SPATA13: variants seen among roughly 807,000 people sequenced by gnomAD.
SPATA13 encodes spermatogenesis-associated protein 13.
SPATA13 carries 50 observed loss-of-function variants against 104.0 expected under a neutral mutation model. That is an observed-to-expected ratio of 0.48 (90% CI 0.38 to 0.61). SPATA13 has a LOEUF of 0.61. Among genes scored for constraint, SPATA13 ranks in the 20% least tolerant of loss-of-function variants. The pLI is 0.00. For missense variants in SPATA13, 1,524 were observed against 1,690.6 expected (o/e 0.90, Z 1.73); for synonymous variants, 606 against 667.5 (o/e 0.91, Z 1.42).
chr13:24,073,181 G>A (rs566636442), intron 3 of SPATA13, among the ~76,000 whole-genome samples: 1 of 152,254 alleles, frequency 6.6e-6, no homozygotes, highest in African/African-American at 2.4e-5. Context: ...AAGGCCAAGT[G>A]GGGGACTGTA....
rs1566197889 is a variant in SPATA13, at chr13:24,291,750, TTTTTTA to T, written c.3080+872_3080+877del. ...TCTCTCTCTGTCTTTATTTTTTTAT[TTTTTTA>T]TTTTTTTTTTTGAGACGGAGTCTCG... On this transcript the variant is annotated intron_variant, in intron 9 of 12. Coordinates refer to ENST00000382108, the MANE Select transcript of SPATA13 (RefSeq NM_001166271.3). Among the ~76,000 whole-genome samples the T allele has an allele frequency of 4.3e-3, 138 of 31,908 alleles. 2 individuals are homozygous for T. Among genetic ancestry groups the T allele is most frequent in the African/African-American group, 0.015 (123 of 8,058 alleles). 20.9% of individuals were successfully genotyped at this position (31,908 alleles called of 152,430 possible).
At chr13:24,140,754 T>C (rs1229750191) in intron 3 of SPATA13, among the ~76,000 whole-genome samples, 1 of 152,252 alleles carries the variant, frequency 6.6e-6, no homozygotes, top group Non-Finnish European at 1.5e-5. Flanking sequence ...ACCCATGAAT[T>C]CTGGGTTTTC....
chr13:24,264,136 A>G (rs768766854), intron 4 of SPATA13, among the ~76,000 whole-genome samples: 4 of 152,202 alleles, frequency 2.6e-5, no homozygotes, highest in Non-Finnish European at 4.4e-5. Context: ...AACATAAAGT[A>G]TTAAACTTTT....
intron 1 of SPATA13, among the ~76,000 whole-genome samples, chr13:24,196,545 G>A (rs1221182467): frequency 6.6e-6 from 1 of 152,040 alleles, no homozygotes; most frequent in Admixed American, 6.6e-5. Flanking sequence ...GACCAGCCTG[G>A]GAAATATAGT....
At chr13:24,219,003 C>CAAAAAAAAAAAAAAAAA (rs35494448) in intron 1 of SPATA13, among the ~76,000 whole-genome samples, 1 of 110,524 alleles carries the variant, frequency 9.0e-6, no homozygotes, top group Non-Finnish European at 1.9e-5. Flanking sequence ...TCATTATCAC[C>CAAAAAAAAAAAAAAAAA]AAAAAAAAAA....
chr13:24,109,553 G>A (rs1484023466), intron 3 of SPATA13, among the ~76,000 whole-genome samples: 1 of 152,056 alleles, frequency 6.6e-6, no homozygotes, highest in Non-Finnish European at 1.5e-5. Flanking sequence ...CTGTCATTTG[G>A]AGGTCTTAAA....
intron 4 of SPATA13, among the ~76,000 whole-genome samples, chr13:24,254,180 G>A (rs1278974969): frequency 6.7e-6 from 1 of 148,542 alleles, no homozygotes; most frequent in Non-Finnish European, 1.5e-5. Flanking sequence ...GCCAGCCTTG[G>A]TTCTGATTCA....
chr13:24,284,138 C>T lies in SPATA13; in HGVS notation c.2168C>T (p.Ser723Phe), dbSNP rs1875739924. The change falls in exon 5 of 13, where the codon TCT becomes TTT. Residue 723 changes from serine to phenylalanine, a missense_variant. Around this residue, in one of 2 missense-constraint regions of SPATA13, gnomAD observed 1,089 missense variants for 1,135.9 expected, o/e 0.96. Coordinates refer to ENST00000382108, the MANE Select transcript of SPATA13 (RefSeq NM_001166271.3). Reference sequence around the variant, plus strand: ...GCCTTTGTTTTGTATGTTTTAGTTTCTTCAGATGGAGGTACTGAGCCCTCT... The same window carrying T: ...GCCTTTGTTTTGTATGTTTTAGTTTTTTCAGATGGAGGTACTGAGCCCTCT... Reference protein sequence around the residue: ...RRRQMRASNVSSDGGTEPSAL... With the variant: ...RRRQMRASNVFSDGGTEPSAL... 1 of 1,608,016 alleles carries T rather than the reference C, an allele frequency of 6.2e-7. No individual in the cohort carries two copies. The highest frequency in any genetic ancestry group is 8.5e-7 in the Non-Finnish European group (1 of 1,175,930).
chr13:24,206,228 G>GA (rs1870689885), intron 1 of SPATA13, among the ~76,000 whole-genome samples: 5 of 151,566 alleles, frequency 3.3e-5, no homozygotes, highest in Admixed American at 2.6e-4. Context: ...AAATTTACAA[G>GA]AAAAAAACAA....
intron 2 of SPATA13, among the ~76,000 whole-genome samples, chr13:24,237,715 A>G (rs562315080): frequency 6.6e-6 from 1 of 152,126 alleles, no homozygotes; most frequent in African/African-American, 2.4e-5. Context: ...TGTAATCTCA[A>G]GCTACTCAGG....
At position 23,984,556 on chromosome 13, in the gene SPATA13, C is replaced by T. The variant is rs564054366; in HGVS notation, c.-147+623C>T. Among the ~76,000 whole-genome samples the T allele has an allele frequency of 3.3e-5, 5 of 152,318 alleles. No homozygotes were observed. The East Asian group carries it at 9.6e-4, about 29-fold the overall frequency. On this transcript the variant is annotated intron_variant, in intron 2 of 14. Transcript: ENST00000424834. Reference sequence around the variant, plus strand: ...GTGGAGCTGTGGTCTGTGTCATCCTCGCATTTCCAACCCCAGTCATACCCC... The same window carrying T: ...GTGGAGCTGTGGTCTGTGTCATCCTTGCATTTCCAACCCCAGTCATACCCC...
chr13:24,105,270 A>G (rs752097472), intron 3 of SPATA13, among the ~76,000 whole-genome samples: 5 of 151,960 alleles, frequency 3.3e-5, no homozygotes, highest in Admixed American at 3.3e-4. Context: ...CTACAGGTGC[A>G]CACCATCATG....
Position 24,051,743 on chromosome 13 carries a change from T to C in SPATA13, c.-112+34042T>C, listed in dbSNP as rs1372155088. Reference sequence around the variant, plus strand: ...GGTGGGAGCTTTAGGGGGGAAGTGGTAGCGATTGGAGTCAGAGGCAGCAGT... The same window carrying C: ...GGTGGGAGCTTTAGGGGGGAAGTGGCAGCGATTGGAGTCAGAGGCAGCAGT... On this transcript the variant is annotated intron_variant, in intron 3 of 14. Coordinates refer to the SPATA13 transcript ENST00000424834. The surrounding 1 kb of genome is among the most constrained non-coding windows in gnomAD (Gnocchi z 4.2). Among the ~76,000 whole-genome samples the C allele has an allele frequency of 6.6e-6, 1 of 152,056 alleles. No homozygotes were observed. The highest frequency in any genetic ancestry group is 2.4e-5 in the African/African-American group (1 of 41,382).
chr13:24,187,109 G>A (rs559284141), intron 1 of SPATA13, among the ~76,000 whole-genome samples: 7 of 152,196 alleles, frequency 4.6e-5, no homozygotes, highest in East Asian at 1.9e-4. Flanking sequence ...AAGCAATGTC[G>A]TCTGTTTTCA....
intron 9 of SPATA13, among the ~76,000 whole-genome samples, chr13:24,292,008 G>A (rs1316511698): frequency 6.6e-6 from 1 of 150,968 alleles, no homozygotes; most frequent in Non-Finnish European, 1.5e-5. Flanking sequence ...CACCCGCCTC[G>A]GCCTCCCAAA....
intron 4 of SPATA13, among the ~76,000 whole-genome samples, chr13:24,280,952 C>T (rs77784335): frequency 2.0e-5 from 3 of 152,070 alleles, no homozygotes. Context: ...TTCAGGCTCC[C>T]GTGTTTCTCA....
chr13:24,082,033 T>A (rs1879537998), intron 3 of SPATA13, among the ~76,000 whole-genome samples: 1 of 152,244 alleles, frequency 6.6e-6, no homozygotes, highest in South Asian at 2.1e-4. Context: ...CCATTTGCAC[T>A]CATGCCAGCA....
chr13:24,185,713 A>G (rs1268166193), intron 1 of SPATA13, among the ~76,000 whole-genome samples: 1 of 130,570 alleles, frequency 7.7e-6, no homozygotes, highest in African/African-American at 2.8e-5. Context: ...GAACACATAC[A>G]AATAGATGCA....
intron 3 of SPATA13, among the ~76,000 whole-genome samples, chr13:24,152,715 T>G (rs1213261546): frequency 1.3e-5 from 2 of 152,214 alleles, no homozygotes; most frequent in Non-Finnish European, 2.9e-5. Context: ...TCTTCAAATA[T>G]GAGCTGCTCA....
Sources: gnomAD v4.1 joint callset for allele counts (sites outside exome capture counted in the v4.1 genomes callset) on GRCh38, gnomAD v4.1.1 for gene constraint, gnomAD v4.1.1 regional missense constraint, Gnocchi (gnomAD v3.1) non-coding constraint, MANE v1.5 for transcripts, NCBI Gene and HGNC (gene_info 2026-07-23, HGNC 2026-07-21) for gene names.